Variants in MAP3K9 observed in about 807,000 individuals in gnomAD.
MAP3K9 encodes mixed lineage kinase 1 (tyr and ser/thr specificity).
In MAP3K9, 46 loss-of-function variants were observed where a neutral mutation model predicts 95.8. That is an observed-to-expected ratio of 0.48 (90% CI 0.38 to 0.61). MAP3K9 has a LOEUF of 0.61. Among genes scored for constraint, MAP3K9 ranks in the 20% least tolerant of loss-of-function variants. The pLI is 0.00. For synonymous variants in MAP3K9, 533 were observed against 593.8 expected (o/e 0.90, Z 1.49); for missense variants, 1,296 against 1,474.3 (o/e 0.88, Z 1.98).
In MAP3K9 at chr14:70,800,757, T is replaced by G. The variant is rs1241922530; in HGVS notation, c.730A>C (p.Asn244His). 6.2e-7 allele frequency: 1 copy of G among 1,614,114 alleles called. No individual in the cohort carries two copies. Among genetic ancestry groups the G allele is most frequent in the South Asian group, 1.1e-5 (1 of 91,068 alleles). Residue 244 changes from asparagine (N) to histidine (H), a missense_variant, in exon 2 of 12, where the codon AAT (asparagine) becomes CAT (histidine). Asn to His is a moderately conservative substitution (Grantham distance 68). Around this residue, in one of 5 missense-constraint regions of MAP3K9, gnomAD observed 338 missense variants for 363.4 expected, o/e 0.93. Coordinates refer to ENST00000554752, the MANE Select transcript of MAP3K9 (RefSeq NM_001284230.2). ...GKRIPPDILV[N>H]WAVQIARGMN... ...CCTCTGGCAATCTGCACAGCCCAAT[T>G]CACCAGGATGTCTGGGGGAATCCTT...
At chr14:70,795,922 A>C (rs893267771) in intron 2 of MAP3K9, among the ~76,000 whole-genome samples, 6 of 151,454 alleles carry the variant, frequency 4.0e-5, no homozygotes, top group African/African-American at 1.5e-4. Flanking sequence ...CCCCAGGCTA[A>C]TTTTTGTATT....
At chr14:70,786,429 C>G (rs963386045) in intron 2 of MAP3K9, among the ~76,000 whole-genome samples, 4 of 152,084 alleles carry the variant, frequency 2.6e-5, no homozygotes, top group Non-Finnish European at 4.4e-5. Flanking sequence ...TTTTATTATT[C>G]TTTTCTTCCT....
chr14:70,738,835 T>C (rs1321797949), intron 7 of MAP3K9, among the ~76,000 whole-genome samples: 2 of 151,910 alleles, frequency 1.3e-5, no homozygotes, highest in African/African-American at 2.4e-5. Flanking sequence ...TTCAAGGTTA[T>C]GGAAAAGGAA....
rs758479516 is a variant in MAP3K9 at position 70,761,018 on chromosome 14, C to T, written c.985G>A (p.Gly329Ser). ...EVIRASMFSK[G>S]SDVWSYGVLL... is the part of the protein sequence containing the mutation. ...GGACCTTACCTCCACACATCACTGC[C>T]TTTGGAAAACATGGAGGCCCGGATG... Residue 329 changes from glycine (G) to serine (S), a missense_variant, in exon 3 of 12, where the codon GGC becomes AGC. Physicochemically the swap from Gly to Ser is moderately conservative, Grantham distance 56. Around this residue, in one of 5 missense-constraint regions of MAP3K9, gnomAD observed 136 missense variants for 221.5 expected, o/e 0.61. Coordinates refer to ENST00000554752, the MANE Select transcript of MAP3K9 (RefSeq NM_001284230.2). 7 of 1,613,782 alleles carry T rather than the reference C, an allele frequency of 4.3e-6. No homozygotes were observed. In the Admixed American group the frequency reaches 8.3e-5, roughly 19 times the overall value.
Position 70,742,410 on chromosome 14 carries a change from C to A in MAP3K9, c.1508G>T (p.Gly503Val). 6.2e-7 allele frequency: 1 copy of A among 1,614,214 alleles called. No individual in the cohort carries two copies. The change falls in exon 6 of 12, where the codon GGC (glycine) becomes GTC (valine). Residue 503 changes from glycine (G) to valine (V), a missense_variant. This residue lies in a region of MAP3K9 where 377 missense variants were observed against 417.1 expected (regional missense o/e 0.90). Transcript: ENST00000554752. ...QEKPRVKKRKGKFRKSRLKLK... is the reference protein window; with the variant it reads ...QEKPRVKKRKVKFRKSRLKLK... ...CTTCAGCCGGCTCTTCCTGAACTTGCCCTTGCGTTTCTTCACCCGGGGCTT... is the reference window on the plus strand; with the variant it reads ...CTTCAGCCGGCTCTTCCTGAACTTGACCTTGCGTTTCTTCACCCGGGGCTT...
At chr14:70,797,101 T>C (rs1355736424) in intron 2 of MAP3K9, among the ~76,000 whole-genome samples, 1 of 152,166 alleles carries the variant, frequency 6.6e-6, no homozygotes, top group Non-Finnish European at 1.5e-5. Flanking sequence ...ACTGAACCTT[T>C]CTAACAGCTA....
At chr14:70,750,202 A>C (rs1218431489) in intron 3 of MAP3K9, 121 bp from the exon 4 acceptor site, 2 of 903,926 alleles carry the variant, frequency 2.2e-6, no homozygotes, top group African/African-American at 3.4e-5. Context: ...CTAATGAAAC[A>C]GAAATACTAA....
intron 2 of MAP3K9, among the ~76,000 whole-genome samples, chr14:70,773,542 T>G (rs577454985): frequency 6.6e-6 from 1 of 152,320 alleles, no homozygotes; most frequent in African/African-American, 2.4e-5. Flanking sequence ...CTCAGAACAT[T>G]TACTACATTT....
intron 2 of MAP3K9, among the ~76,000 whole-genome samples, chr14:70,778,884 A>C (rs914240407): frequency 6.6e-6 from 1 of 152,126 alleles, no homozygotes. Flanking sequence ...TACCCCGTCC[A>C]CCCATCTTGT....
chr14:70,744,404 C>T (rs972026051), intron 5 of MAP3K9, among the ~76,000 whole-genome samples: 1 of 151,892 alleles, frequency 6.6e-6, no homozygotes, highest in African/African-American at 2.4e-5. Context: ...CTTAATCCAG[C>T]TTAAAATGTA....
intron 2 of MAP3K9, among the ~76,000 whole-genome samples, chr14:70,773,760 T>G (rs1054522866): frequency 6.6e-6 from 1 of 152,056 alleles, no homozygotes; most frequent in African/African-American, 2.4e-5. Context: ...GCCCCAAGAG[T>G]TGGCAGAGCT....
Position 70,724,921 on chromosome 14 carries a change from T to TA in MAP3K9, c.*5458dup, listed in dbSNP as rs2053799972. On this transcript the variant is annotated 3_prime_UTR_variant, in exon 12 of 12. Transcript: ENST00000554752. ...TCCAATCCTGAGACACCTAACTAGT[T>TA]AGACACCTATCTCGATAGACACCTG... 6.6e-6 allele frequency: 1 copy of TA among 152,230 alleles called. No individual in the cohort carries two copies. The highest frequency in any genetic ancestry group is 2.4e-5 in the African/African-American group (1 of 41,450). The allele number at this position is 152,230 out of a possible 1,614,324, so 9.4% of individuals were successfully genotyped here. A position where few individuals can be genotyped will look rare whatever the true frequency, so the allele number is the denominator to read the frequency against.
At chr14:70,785,963 C>T (rs1188045104) in intron 2 of MAP3K9, among the ~76,000 whole-genome samples, 2 of 152,154 alleles carry the variant, frequency 1.3e-5, no homozygotes, top group African/African-American at 4.8e-5. Flanking sequence ...AGGGGACTAC[C>T]ATACTCTTTC....
chr14:70,789,282 C>T (rs1195288932), intron 2 of MAP3K9, among the ~76,000 whole-genome samples: 2 of 152,138 alleles, frequency 1.3e-5, no homozygotes, highest in East Asian at 1.9e-4. Context: ...CTGCCTGTTT[C>T]GGTGGGAATA....
rs149912169 is a variant in MAP3K9 at position 70,738,472 on chromosome 14, C to CCA, written c.1691-76_1691-75dup. The stretch of plus-strand genomic sequence containing the variant: ...CTCCCCCAAACTAGCCTCTATACCA[C>CCA]CACACACACACACACATTTGGAGCT... On this transcript the variant is annotated intron_variant, in intron 7 of 11. Transcript: ENST00000554752. The CCA allele has an allele frequency of 1.5e-3, 1,823 of 1,230,196 alleles. 3 individuals carry two copies. The highest frequency in any genetic ancestry group is 5.9e-3 in the South Asian group (432 of 73,824). 76.2% of individuals were successfully genotyped at this position (1,230,196 alleles called of 1,614,324 possible).
chr14:70,757,764 T>C (rs188900393), intron 3 of MAP3K9, among the ~76,000 whole-genome samples: 4 of 152,274 alleles, frequency 2.6e-5, no homozygotes, highest in East Asian at 1.9e-4. Context: ...TTCTGGTAAA[T>C]TGACATTTGA....
rs560075513 is a variant in MAP3K9 at position 70,738,179 on chromosome 14, T to A, written c.1844+66A>T. The A allele has an allele frequency of 3.0e-5, 44 of 1,456,310 alleles. No homozygotes were observed. In the Middle Eastern group the frequency reaches 9.1e-4, roughly 30 times the overall value. The allele number at this position is 1,456,310 out of a possible 1,614,324, so 90.2% of individuals were successfully genotyped here. A position where few individuals can be genotyped will look rare whatever the true frequency, so the allele number is the denominator to read the frequency against. Reference sequence around the variant, plus strand: ...ACGACAGAGAAAAAAAGTTATTTCATATCCTATGTTTAAATGGTACATCCA... The same window carrying A: ...ACGACAGAGAAAAAAAGTTATTTCAAATCCTATGTTTAAATGGTACATCCA... On this transcript the variant is annotated intron_variant, in intron 8 of 11. Transcript: ENST00000554752.
rs1435544425 is a variant in MAP3K9 at position 70,724,099 on chromosome 14, T to C, written c.*6281A>G. On this transcript the variant is annotated 3_prime_UTR_variant, in exon 12 of 12. Transcript: ENST00000554752. ...GTTCACTTTAGTCCCTTCTGAAATC[T>C]GGACGAGAGAATGAATGAAGTTCAT... is the stretch of plus-strand genomic sequence containing the variant. The C allele has an allele frequency of 6.6e-6, 1 of 152,220 alleles. No individual in the cohort carries two copies. The highest frequency in any genetic ancestry group is 1.5e-5 in the Non-Finnish European group (1 of 68,044). The allele number at this position is 152,220 out of a possible 1,614,324, so 9.4% of individuals were successfully genotyped here.
chr14:70,765,397 T>C (rs1352408357), intron 2 of MAP3K9: 6 of 647,426 alleles, frequency 9.3e-6, no homozygotes, highest in Admixed American at 9.2e-5. Context: ...TATGGTGGTA[T>C]ACAGTAATGT....
Sources: gnomAD v4.1 joint callset for allele counts (sites outside exome capture counted in the v4.1 genomes callset) on GRCh38, gnomAD v4.1.1 for gene constraint, gnomAD v4.1.1 regional missense constraint, MANE v1.5 for transcripts, NCBI Gene and HGNC (gene_info 2026-07-23, HGNC 2026-07-21) for gene names.